RAB14: variants seen among roughly 807,000 people sequenced by gnomAD.
The protein encoded by RAB14 is RAB14, member RAS oncogene family, also known as ras-related protein Rab-14.
In RAB14, 3 loss-of-function variants were observed where a neutral mutation model predicts 31.1. The observed-to-expected ratio is 0.10, with a 90% CI of 0.04 to 0.25. RAB14 has a LOEUF of 0.25. RAB14 is among the 10% of genes least tolerant of loss of function. The probability of loss-of-function intolerance (pLI) is 1.00; values close to 1 mark genes in which losing one functional copy is unlikely to be tolerated. For synonymous variants in RAB14, 85 were observed against 84.9 expected (o/e 1.00, Z 0.00); for missense variants, 111 against 260.1 (o/e 0.43, Z 3.94).
In RAB14 at chr9:121,180,388, G is replaced by GA. The variant is rs1468525514; in HGVS notation, c.*1007dup. 6.6e-6 allele frequency: 1 copy of GA among 152,670 alleles called. No individual in the cohort carries two copies. The highest frequency in any genetic ancestry group is 6.5e-5 in the Admixed American group (1 of 15,282). 9.5% of individuals were successfully genotyped at this position (152,670 alleles called of 1,614,324 possible). A position where few individuals can be genotyped will look rare whatever the true frequency, so the allele number is the denominator to read the frequency against. On this transcript the variant is annotated 3_prime_UTR_variant, in exon 8 of 8. Coordinates refer to ENST00000373840, the MANE Select transcript of RAB14 (RefSeq NM_016322.4). ...TAATGCAAAAACGTTTACAAAAAGA[G>GA]AAAAGCAGGTTAGCACATTGTCGAT...
intron 1 of RAB14, among the ~76,000 whole-genome samples, chr9:121,197,729 TAAC>T (rs1336840029): frequency 1.3e-5 from 2 of 152,154 alleles, no homozygotes; most frequent in Non-Finnish European, 2.9e-5. Flanking sequence ...TTAAAAATCT[TAAC>T]AATAATCCAA....
At chr9:121,199,232 A>C (rs2053736194) in intron 1 of RAB14, among the ~76,000 whole-genome samples, 1 of 152,224 alleles carries the variant, frequency 6.6e-6, no homozygotes, top group Admixed American at 6.5e-5. Context: ...GGCAAGGAGG[A>C]GGCAAGTGTA....
chr9:121,185,105 T>A (rs2053652178), intron 5 of RAB14, among the ~76,000 whole-genome samples: 1 of 151,974 alleles, frequency 6.6e-6, no homozygotes, highest in African/African-American at 2.4e-5. Flanking sequence ...ACTCAAGAAA[T>A]TTTTTTTCTC....
intron 1 of RAB14, among the ~76,000 whole-genome samples, chr9:121,200,828 G>A (rs1444059723): frequency 6.6e-6 from 1 of 152,110 alleles, no homozygotes; most frequent in Non-Finnish European, 1.5e-5. Flanking sequence ...TATCTCCGAG[G>A]GCTACGCGGG....
At chr9:121,201,390 C>A (rs952483820) in intron 1 of RAB14, among the ~76,000 whole-genome samples, 1 of 152,040 alleles carries the variant, frequency 6.6e-6, no homozygotes, top group African/African-American at 2.4e-5. Context: ...AGCGCCCCGC[C>A]GGTTGGGGAG....
At chr9:121,185,688 G>A (rs1248850986) in intron 5 of RAB14, among the ~76,000 whole-genome samples, 1 of 152,078 alleles carries the variant, frequency 6.6e-6, no homozygotes, top group Non-Finnish European at 1.5e-5. Context: ...CTTTTTTACT[G>A]GGTATGATGC....
In RAB14 at chr9:121,194,589, A is replaced by C. The variant is rs117172972; in HGVS notation, c.-7-1170T>G. Among the ~76,000 whole-genome samples the C allele has an allele frequency of 5.7e-3, 863 of 152,252 alleles. 7 individuals carry two copies. The highest frequency in any genetic ancestry group is 0.011 in the Non-Finnish European group (715 of 67,986). ...CAGCTTTCAGCTTAAGACAAAAATTATTTATACATATAAAGATTTCACCCA... is the reference window on the plus strand; with the variant it reads ...CAGCTTTCAGCTTAAGACAAAAATTCTTTATACATATAAAGATTTCACCCA... On this transcript the variant is annotated intron_variant, in intron 1 of 7. Coordinates refer to ENST00000373840, the MANE Select transcript of RAB14 (RefSeq NM_016322.4).
intron 5 of RAB14, among the ~76,000 whole-genome samples, chr9:121,186,061 G>A (rs1256874990): frequency 6.6e-6 from 1 of 152,150 alleles, no homozygotes; most frequent in Non-Finnish European, 1.5e-5. Context: ...TCTACCAAAT[G>A]TTGGGGGTAT....
rs2053622130 is a variant in RAB14 at position 121,179,601 on chromosome 9, G to GT, written c.*1794dup. 1 of 152,620 alleles carries GT rather than the reference G, an allele frequency of 6.6e-6. No individual in the cohort carries two copies. Among genetic ancestry groups the GT allele is most frequent in the Non-Finnish European group, 1.5e-5 (1 of 68,032 alleles). 9.5% of individuals were successfully genotyped at this position (152,620 alleles called of 1,614,324 possible). ...AACAGTGTAAGCAAAATGGATCACT[G>GT]TAAGTCTTTAACAGAATATACCAAT... On this transcript the variant is annotated 3_prime_UTR_variant, in exon 8 of 8. Transcript: ENST00000373840.
At chr9:121,196,699 C>T (rs1221758180) in intron 1 of RAB14, among the ~76,000 whole-genome samples, 6 of 152,064 alleles carry the variant, frequency 3.9e-5, no homozygotes, top group Non-Finnish European at 8.8e-5. Context: ...AGTATTCACT[C>T]GCTTAATTAT....
chr9:121,181,152 AG>A lies in RAB14; in HGVS notation c.*243del. The A allele has an allele frequency of 2.8e-6, 1 of 355,582 alleles. No homozygotes were observed. The highest frequency in any genetic ancestry group is 2.1e-5 in the African/African-American group (1 of 48,192). 22.0% of individuals were successfully genotyped at this position (355,582 alleles called of 1,614,324 possible). On this transcript the variant is annotated 3_prime_UTR_variant, in exon 8 of 8. Coordinates refer to ENST00000373840, the MANE Select transcript of RAB14 (RefSeq NM_016322.4). ...TGGTGACATACTTATCACGAGGACA[AG>A]GGGGAAAAAAAGTCTAGATTTACCA...
chr9:121,194,094 TCACACACACACACACACACACA>T (rs56303323), intron 1 of RAB14, among the ~76,000 whole-genome samples: 1 of 138,954 alleles, frequency 7.2e-6, no homozygotes, highest in Non-Finnish European at 1.5e-5. Flanking sequence ...AGATTATCAC[TCACACACACACACACACACACA>T]CACACACACA....
chr9:121,195,194 C>G (rs1036375063), intron 1 of RAB14, among the ~76,000 whole-genome samples: 12 of 152,108 alleles, frequency 7.9e-5, no homozygotes, highest in African/African-American at 2.9e-4. Flanking sequence ...AAAGTAATCT[C>G]TTACATTAAA....
intron 1 of RAB14, among the ~76,000 whole-genome samples, chr9:121,201,083 G>A (rs983593725): frequency 6.6e-6 from 1 of 152,058 alleles, no homozygotes; most frequent in African/African-American, 2.4e-5. Flanking sequence ...CGGCCCGGCT[G>A]CAGGGCCGGG....
Position 121,201,840 on chromosome 9 carries a change from C to G in RAB14, c.-209G>C, listed in dbSNP as rs2053793633. The G allele has an allele frequency of 1.3e-5, 2 of 152,456 alleles. No homozygotes were observed. The allele number at this position is 152,456 out of a possible 1,614,324, so 9.4% of individuals were successfully genotyped here. On this transcript the variant is annotated 5_prime_UTR_variant, in exon 1 of 8. Coordinates refer to ENST00000373840, the MANE Select transcript of RAB14 (RefSeq NM_016322.4). ...GCAGCGGTGACTGCTCCTGTGCTCC[C>G]TCAGTATCTTCCTCGGGCTGGTCCA...
intron 7 of RAB14, 64 bp from the exon 8 acceptor site, chr9:121,181,637 CT>C (rs2053633580): frequency 7.4e-7 from 1 of 1,355,440 alleles, no homozygotes; most frequent in Admixed American, 2.0e-5. Context: ...AGACACTGAC[CT>C]TTTGCTAATC....
At chr9:121,181,771 CAG>C (rs1292244760) in intron 7 of RAB14, among the ~76,000 whole-genome samples, 198 bp from the exon 8 acceptor site, 1 of 91,352 alleles carries the variant, frequency 1.1e-5, no homozygotes, top group African/African-American at 3.4e-5. Context: ...TTTTTTGAGA[CAG>C]AGACTCACTC....
At position 121,192,230 on chromosome 9, in the gene RAB14, T is replaced by A; in HGVS notation, c.53-6A>T. On this transcript the variant is annotated splice_region_variant and splice_polypyrimidine_tract_variant and intron_variant, in intron 2 of 7. Coordinates refer to ENST00000373840, the MANE Select transcript of RAB14 (RefSeq NM_016322.4). ...TTTTCCTACTCCCATGTCCCCTGTT[T>A]AAAAAAAAAGAAGTTTCAGGTGGCA... is the stretch of plus-strand genomic sequence containing the variant. 3.2e-6 allele frequency: 5 copies of A among 1,570,024 alleles called. No individual in the cohort carries two copies. The highest frequency in any genetic ancestry group is 1.4e-5 in the African/African-American group (1 of 73,060).
chr9:121,196,848 G>A (rs1415375305), intron 1 of RAB14, among the ~76,000 whole-genome samples: 1 of 152,086 alleles, frequency 6.6e-6, no homozygotes, highest in Non-Finnish European at 1.5e-5. Flanking sequence ...AAAGTTTCTT[G>A]AGAACACTTG....
Sources: gnomAD v4.1 joint callset for allele counts (sites outside exome capture counted in the v4.1 genomes callset) on GRCh38, gnomAD v4.1.1 for gene constraint, MANE v1.5 for transcripts, NCBI Gene and HGNC (gene_info 2026-07-23, HGNC 2026-07-21) for gene names.